Variants in SYNJ2 observed in about 807,000 individuals in gnomAD.
SYNJ2 encodes synaptojanin 2.
SYNJ2 carries 116 observed loss-of-function variants against 141.3 expected under a neutral mutation model. That is an observed-to-expected ratio of 0.82 (90% CI 0.71 to 0.96). The LOEUF (loss-of-function observed/expected upper bound fraction) is 0.96, where lower values mean the gene tolerates loss of function less well. Ranked by LOEUF, SYNJ2 falls within the 40% of genes least tolerant of loss-of-function variation. SYNJ2 has a pLI of 0.00. For missense variants in SYNJ2, 1,873 were observed against 1,934.8 expected (o/e 0.97, Z 0.60); for synonymous variants, 745 against 777.7 (o/e 0.96, Z 0.70).
At chr6:158,012,643 C>G (rs2128325566) in intron 1 of SYNJ2, among the ~76,000 whole-genome samples, 1 of 152,348 alleles carries the variant, frequency 6.6e-6, no homozygotes, top group Admixed American at 6.5e-5. Context: ...GGTCATGAGT[C>G]TGTGCTGCTT....
At chr6:158,060,299 C>G (rs1781136341) in intron 7 of SYNJ2, among the ~76,000 whole-genome samples, 1 of 152,182 alleles carries the variant, frequency 6.6e-6, no homozygotes, top group Non-Finnish European at 1.5e-5. Flanking sequence ...CTCCGCCCAC[C>G]TGGCCAGGTT....
In SYNJ2 at chr6:158,055,083, C is replaced by T. The variant is rs1780792692; in HGVS notation, c.857+55C>T. 1.4e-5 allele frequency: 22 copies of T among 1,590,058 alleles called. No individual in the cohort carries two copies. In the South Asian group the frequency reaches 2.2e-4, roughly 16 times the overall value. On this transcript the variant is annotated intron_variant, in intron 6 of 26. Coordinates refer to ENST00000355585, the MANE Select transcript of SYNJ2 (RefSeq NM_003898.4). ...GTCATTGTCATCCTTAGACATCGTC[C>T]TCCCATCAGACACAAGGGAGAGGGT...
intron 1 of SYNJ2, among the ~76,000 whole-genome samples, chr6:158,011,308 G>A (rs1227152823): frequency 6.6e-6 from 1 of 152,132 alleles, no homozygotes; most frequent in African/African-American, 2.4e-5. Context: ...GCTGATGCCT[G>A]GATTTCAGCT....
At chr6:158,062,200 T>C (rs748440340) in intron 8 of SYNJ2, 36 bp downstream of exon 8, 39 of 1,597,050 alleles carry the variant, frequency 2.4e-5, no homozygotes, top group Non-Finnish European at 3.0e-5. Context: ...CGTCTTCTGC[T>C]GGGGGGAAGC....
rs1025608974 is a variant in SYNJ2 at position 157,982,302 on chromosome 6, G to A, written c.127+214G>A. ...CTGGGCCGGTGGCGCACGGAGGCCG[G>A]CCGCCCCTCCACGGGGATCTCCGGC... is the stretch of plus-strand genomic sequence containing the variant. On this transcript the variant is annotated intron_variant, in intron 1 of 26. Transcript: ENST00000355585. This position sits in a 1 kb window ranked among gnomAD's most constrained non-coding sequence, Gnocchi z 4.0. Among the ~76,000 whole-genome samples, 1 of 152,212 alleles carries A rather than the reference G, an allele frequency of 6.6e-6. No individual in the cohort carries two copies.
intron 18 of SYNJ2, among the ~76,000 whole-genome samples, chr6:158,079,732 G>T (rs1782555149): frequency 6.6e-6 from 1 of 152,158 alleles, no homozygotes; most frequent in Non-Finnish European, 1.5e-5. Flanking sequence ...GAATCTTGAG[G>T]AATCTTCAGA....
intron 6 of SYNJ2, among the ~76,000 whole-genome samples, chr6:158,058,220 CA>C (rs1780988128): frequency 6.6e-6 from 1 of 151,968 alleles, no homozygotes; most frequent in South Asian, 2.1e-4. Flanking sequence ...TGTTTTTTTC[CA>C]GTGTTTTTTC....
intron 26 of SYNJ2, among the ~76,000 whole-genome samples, chr6:158,093,435 C>CA (rs1004076513): frequency 0.018 from 919 of 51,172 alleles, 7 homozygotes; most frequent in African/African-American, 0.052. Flanking sequence ...GACTCCACCT[C>CA]AAAAAAAAAA....
chr6:158,034,045 G>A (rs1004595865), intron 4 of SYNJ2, among the ~76,000 whole-genome samples: 4 of 152,172 alleles, frequency 2.6e-5, no homozygotes, highest in Non-Finnish European at 5.9e-5. Context: ...AAAATAAGTA[G>A]ATCAATACAA....
intron 1 of SYNJ2, among the ~76,000 whole-genome samples, chr6:157,986,581 A>G (rs766184732): frequency 6.6e-6 from 1 of 151,762 alleles, no homozygotes; most frequent in Non-Finnish European, 1.5e-5. Flanking sequence ...TGATCCGCCC[A>G]CCTCAGCCTC....
intron 4 of SYNJ2, among the ~76,000 whole-genome samples, chr6:158,038,864 C>T (rs1015757446): frequency 2.0e-5 from 3 of 152,030 alleles, no homozygotes; most frequent in East Asian, 1.9e-4. Flanking sequence ...CAGGGAGAAG[C>T]GTGTGCTGCG....
chr6:158,072,867 C>T (rs909813886), intron 15 of SYNJ2, among the ~76,000 whole-genome samples: 1 of 151,764 alleles, frequency 6.6e-6, no homozygotes, highest in African/African-American at 2.4e-5. Flanking sequence ...GTCAGGAGTT[C>T]GAGACCAGCC....
chr6:158,036,488 CATT>C (rs984831207), intron 4 of SYNJ2, among the ~76,000 whole-genome samples: 17 of 152,294 alleles, frequency 1.1e-4, no homozygotes, highest in African/African-American at 3.9e-4. Flanking sequence ...AGCTGGAGGC[CATT>C]ACCCTAAGCA....
Position 158,098,969 on chromosome 6 carries a change from T to G in SYNJ2, c.*2605T>G, listed in dbSNP as rs1783923291. 6.6e-6 allele frequency: 1 copy of G among 152,234 alleles called. No homozygotes were observed. The highest frequency in any genetic ancestry group is 1.5e-5 in the Non-Finnish European group (1 of 68,040). 9.4% of individuals were successfully genotyped at this position (152,234 alleles called of 1,614,324 possible). On this transcript the variant is annotated 3_prime_UTR_variant, in exon 27 of 27. Coordinates refer to ENST00000355585, the MANE Select transcript of SYNJ2 (RefSeq NM_003898.4). ...TAACGTTGTTGAAGTTCAAGGCACA[T>G]AATAAAATTCTCCCTGATGTGTGTG... is the stretch of plus-strand genomic sequence containing the variant.
chr6:158,060,201 G>T (rs1272628361), intron 7 of SYNJ2, among the ~76,000 whole-genome samples: 2 of 152,160 alleles, frequency 1.3e-5, no homozygotes, highest in African/African-American at 4.8e-5. Flanking sequence ...CTGGGCTCCT[G>T]TGGGCTCCTT....
intron 1 of SYNJ2, among the ~76,000 whole-genome samples, chr6:157,988,468 CA>C (rs1777290956): frequency 6.6e-6 from 1 of 152,190 alleles, no homozygotes; most frequent in Non-Finnish European, 1.5e-5. Context: ...ATGCAGCACT[CA>C]TGAGTACTCT....
intron 2 of SYNJ2, 170 bp downstream of exon 2, chr6:158,017,460 G>A (rs1259400030): frequency 7.7e-5 from 75 of 975,726 alleles, no homozygotes; most frequent in Non-Finnish European, 1.1e-4. Context: ...TGTTGCCCAG[G>A]CTGCAGTGCA....
rs1433797044 is a variant in SYNJ2 at position 158,028,751 on chromosome 6, T to C, written c.215-5T>C. 6.2e-7 allele frequency: 1 copy of C among 1,613,286 alleles called. No homozygotes were observed. Among genetic ancestry groups the C allele is most frequent in the South Asian group, 1.1e-5 (1 of 91,056 alleles). On this transcript the variant is annotated splice_region_variant and splice_polypyrimidine_tract_variant and intron_variant, in intron 2 of 26. Transcript: ENST00000355585. ...CTGAGCTCTCCTGTCTGATTTCCTT[T>C]CCAGGTGGCACGTCTCTGAGCTTCC... is the stretch of plus-strand genomic sequence containing the variant.
chr6:158,081,540 G>A, intron 20 of SYNJ2, 30 bp downstream of exon 20: 2 of 1,596,284 alleles, frequency 1.3e-6, no homozygotes, highest in Non-Finnish European at 1.7e-6. Context: ...ACTGTGGAGT[G>A]GGGTCTGATC....
Sources: gnomAD v4.1 joint callset for allele counts (sites outside exome capture counted in the v4.1 genomes callset) on GRCh38, gnomAD v4.1.1 for gene constraint, Gnocchi (gnomAD v3.1) non-coding constraint, MANE v1.5 for transcripts, NCBI Gene and HGNC (gene_info 2026-07-23, HGNC 2026-07-21) for gene names.